Variants in RGS22 observed in about 807,000 individuals in gnomAD.
The protein encoded by RGS22 is regulator of G-protein signaling 22.
RGS22 carries 148 observed loss-of-function variants against 172.9 expected under a neutral mutation model. The ratio of observed to expected loss-of-function variants is 0.86; its 90% CI spans 0.75 to 0.98. The LOEUF is 0.98. Among genes scored for constraint, RGS22 ranks in the 50% least tolerant of loss-of-function variants. RGS22 has a pLI of 0.00. For synonymous variants in RGS22, 458 were observed against 480.2 expected, an observed-to-expected ratio of 0.95 and a Z score of 0.60; for missense variants, 1,347 against 1,440.8, an observed-to-expected ratio of 0.93 and a Z score of 1.05.
chr8:100,013,692 C>G (rs1816658897), intron 14 of RGS22, among the ~76,000 whole-genome samples: 1 of 152,176 alleles, frequency 6.6e-6, no homozygotes, highest in South Asian at 2.1e-4. Flanking sequence ...AACTTCCTCT[C>G]TCTGACCATA....
In RGS22 at chr8:100,080,364, T is replaced by C. The variant is rs374175790; in HGVS notation, c.118-9A>G. ...ATTGCCTCTGAAAAGGTCTGCAATATAAATTTGTGGAAATTAAAACATTTT... is the reference window on the plus strand; with the variant it reads ...ATTGCCTCTGAAAAGGTCTGCAATACAAATTTGTGGAAATTAAAACATTTT... On this transcript the variant is annotated splice_polypyrimidine_tract_variant and intron_variant, in intron 3 of 27. Coordinates refer to ENST00000360863, the MANE Select transcript of RGS22 (RefSeq NM_015668.5). 1.9e-6 allele frequency: 3 copies of C among 1,583,930 alleles called. No individual in the cohort carries two copies. The highest frequency in any genetic ancestry group is 1.4e-5 in the African/African-American group (1 of 73,622).
intron 23 of RGS22, among the ~76,000 whole-genome samples, chr8:99,975,246 CTT>C (rs1237749424): frequency 6.6e-6 from 1 of 151,838 alleles, no homozygotes; most frequent in Non-Finnish European, 1.5e-5. Context: ...AGATTAGAAA[CTT>C]GTAATATTAA....
chr8:100,025,371 C>T (rs542510795), intron 14 of RGS22, among the ~76,000 whole-genome samples: 2 of 152,146 alleles, frequency 1.3e-5, no homozygotes, highest in Non-Finnish European at 2.9e-5. Context: ...ACTCCAGAAA[C>T]AACCTAATTG....
At chr8:100,015,416 C>T (rs530545364) in intron 14 of RGS22, among the ~76,000 whole-genome samples, 2 of 152,236 alleles carry the variant, frequency 1.3e-5, no homozygotes, top group Non-Finnish European at 2.9e-5. Flanking sequence ...TGTCAGCCTC[C>T]TGAGTAGCTG....
intron 14 of RGS22, among the ~76,000 whole-genome samples, chr8:100,009,823 G>C (rs750824741): frequency 5.3e-5 from 8 of 152,130 alleles, no homozygotes; most frequent in Non-Finnish European, 7.3e-5. Flanking sequence ...AGCATTTACT[G>C]AGTACTCCAT....
rs1365869452 is a variant in RGS22, at chr8:100,080,159, G to A, written c.314C>T (p.Thr105Ile). The A allele has an allele frequency of 1.2e-6, 2 of 1,608,608 alleles. No individual in the cohort carries two copies. Among genetic ancestry groups the A allele is most frequent in the Non-Finnish European group, 1.7e-6 (2 of 1,175,448 alleles). Residue 105 changes from threonine (T) to isoleucine (I), a missense_variant, in exon 4 of 28, where the codon ACC becomes ATC. Thr to Ile is a moderately conservative substitution (Grantham distance 89). Coordinates refer to ENST00000360863, the MANE Select transcript of RGS22 (RefSeq NM_015668.5). ...VQMNAPDEDE[T>I]INVNYNIMCL... ...CATAATATTGTAGTTGACATTAATGGTCTCATCTTCATCGGGGGCATTCAT... is the reference window on the plus strand; with the variant it reads ...CATAATATTGTAGTTGACATTAATGATCTCATCTTCATCGGGGGCATTCAT...
In RGS22 at chr8:100,039,030, C is replaced by A. The variant is rs755525022; in HGVS notation, c.2067G>T (p.Leu689Phe). 5.1e-6 allele frequency: 8 copies of A among 1,580,278 alleles called. No homozygotes were observed. The highest frequency in any genetic ancestry group is 4.6e-5 in the South Asian group (4 of 87,814). ...ACCAAAAGTACACACTGTTCTTCCA[C>A]AACTACAGATGGAAAAAGTACATAA... ...TKFCEHSGNK[L>F]WKNSVYFWFD... is the part of the protein sequence containing the mutation. The change falls in exon 14 of 28, where the codon TTG becomes TTT. Residue 689 changes from leucine (L) to phenylalanine (F), a missense_variant and splice_region_variant. Coordinates refer to ENST00000360863, the MANE Select transcript of RGS22 (RefSeq NM_015668.5).
intron 4 of RGS22, among the ~76,000 whole-genome samples, chr8:100,075,255 G>C (rs1811268250): frequency 1.3e-5 from 2 of 152,178 alleles, no homozygotes; most frequent in African/African-American, 4.8e-5. Flanking sequence ...AATCCCTCAT[G>C]AATGTCTTGG....
intron 3 of RGS22, among the ~76,000 whole-genome samples, chr8:100,088,470 G>A (rs944644802): frequency 1.3e-5 from 2 of 151,992 alleles, no homozygotes; most frequent in South Asian, 2.1e-4. Context: ...ACTATAGCAC[G>A]GAAGAAAACT....
At chr8:100,061,500 C>T (rs1205257806) in intron 9 of RGS22, among the ~76,000 whole-genome samples, 3 of 152,014 alleles carry the variant, frequency 2.0e-5, no homozygotes, top group African/African-American at 7.2e-5. Flanking sequence ...AGGACATGAA[C>T]ACTTTCAAAA....
intron 4 of RGS22, among the ~76,000 whole-genome samples, chr8:100,077,377 C>A (rs2131881329): frequency 6.6e-6 from 1 of 152,212 alleles, no homozygotes; most frequent in Admixed American, 6.5e-5. Flanking sequence ...CTTAATGGTA[C>A]AAATTTCCCT....
chr8:100,015,421 T>C (rs901284807), intron 14 of RGS22, among the ~76,000 whole-genome samples: 1 of 152,140 alleles, frequency 6.6e-6, no homozygotes, highest in Non-Finnish European at 1.5e-5. Flanking sequence ...GCCTCCTGAG[T>C]AGCTGGGACC....
At chr8:100,032,760 A>T (rs547441242) in intron 14 of RGS22, among the ~76,000 whole-genome samples, 1 of 152,236 alleles carries the variant, frequency 6.6e-6, no homozygotes, top group Non-Finnish European at 1.5e-5. Context: ...TGACCACATA[A>T]TTGGAAGTAA....
chr8:100,070,053 AC>A (rs1277694949), intron 6 of RGS22, among the ~76,000 whole-genome samples: 9 of 148,728 alleles, frequency 6.1e-5, no homozygotes, highest in African/African-American at 2.0e-4. Flanking sequence ...AAAAAACAAA[AC>A]AAAACTAGGA....
intron 14 of RGS22, among the ~76,000 whole-genome samples, chr8:100,030,561 C>T (rs1589015944): frequency 6.6e-6 from 1 of 152,032 alleles, no homozygotes; most frequent in Non-Finnish European, 1.5e-5. Flanking sequence ...GAAAAGACTG[C>T]AAAAGTAAAC....
chr8:100,007,313 G>C (rs901686146), intron 15 of RGS22, among the ~76,000 whole-genome samples: 1 of 152,078 alleles, frequency 6.6e-6, no homozygotes, highest in Non-Finnish European at 1.5e-5. Context: ...TAATATAAAC[G>C]TATACATAGA....
rs908880650 is a variant in RGS22 at position 100,035,097 on chromosome 8, A to G, written c.2166+3834T>C. Among the ~76,000 whole-genome samples, 24 of 152,344 alleles carry G rather than the reference A, an allele frequency of 1.6e-4. 1 individual carries two copies. The highest frequency in any genetic ancestry group is 5.3e-4 in the African/African-American group (22 of 41,580). On this transcript the variant is annotated intron_variant, in intron 14 of 27. Coordinates refer to ENST00000360863, the MANE Select transcript of RGS22 (RefSeq NM_015668.5). Reference sequence around the variant, plus strand: ...AAAAGCAATGGCAACAAAAGCCAAAATTGACAAATGGGATCTAATTAAACT... The same window carrying G: ...AAAAGCAATGGCAACAAAAGCCAAAGTTGACAAATGGGATCTAATTAAACT...
chr8:100,099,469 A>C (rs1813292533), intron 2 of RGS22, among the ~76,000 whole-genome samples: 2 of 152,114 alleles, frequency 1.3e-5, no homozygotes, highest in African/African-American at 2.4e-5. Context: ...TTCAAACCTC[A>C]CACTTAAACT....
intron 23 of RGS22, among the ~76,000 whole-genome samples, chr8:99,974,878 T>A: frequency 6.6e-6 from 1 of 151,482 alleles, no homozygotes; most frequent in East Asian, 1.9e-4. Context: ...CCTGGCACAG[T>A]GGCTCACACC....
Sources: allele counts gnomAD v4.1 joint callset (sites outside exome capture counted in the v4.1 genomes callset), GRCh38; gene constraint gnomAD v4.1.1; transcripts MANE v1.5; gene names NCBI Gene and HGNC (gene_info 2026-07-23, HGNC 2026-07-21).